Variants in DENND5B observed in about 807,000 individuals in gnomAD.
DENND5B encodes DENN domain-containing protein 5B.
A neutral mutation model predicts 140.6 loss-of-function variants in DENND5B; 34 were observed. That is an observed-to-expected ratio of 0.24 (90% CI 0.18 to 0.32). The LOEUF (loss-of-function observed/expected upper bound fraction) is 0.32. Ranked by LOEUF, DENND5B falls within the 10% of genes least tolerant of loss-of-function variation. DENND5B has a pLI of 1.00. For synonymous variants in DENND5B, 551 were observed against 562.1 expected, an observed-to-expected ratio of 0.98 and a Z score of 0.28; for missense variants, 1,142 against 1,560.2, an observed-to-expected ratio of 0.73 and a Z score of 4.52.
chr12:31,478,676 G>A (rs1945931816), intron 3 of DENND5B, among the ~76,000 whole-genome samples: 1 of 148,962 alleles, frequency 6.7e-6, no homozygotes, highest in African/African-American at 2.5e-5. Flanking sequence ...ACTCCAGCCT[G>A]GGTGACGGAG....
At position 31,582,956 on chromosome 12, in the gene DENND5B, A is replaced by G. The variant is rs1010683510; in HGVS notation, c.127+7750T>C. Among the ~76,000 whole-genome samples, 3 of 152,180 alleles carry G rather than the reference A, an allele frequency of 2.0e-5. No individual in the cohort carries two copies. The South Asian group carries it at 6.2e-4, about 32-fold the overall frequency. Reference sequence around the variant, plus strand: ...GGCTTCTTACTTATTATAGGAACTGAAGTAAAGTATTCATTCTCTAGACTC... The same window carrying G: ...GGCTTCTTACTTATTATAGGAACTGGAGTAAAGTATTCATTCTCTAGACTC... On this transcript the variant is annotated intron_variant, in intron 1 of 20. Coordinates refer to ENST00000389082, the MANE Select transcript of DENND5B (RefSeq NM_144973.4).
chr12:31,486,821 A>G (rs1946328420), intron 2 of DENND5B, among the ~76,000 whole-genome samples: 2 of 152,206 alleles, frequency 1.3e-5, no homozygotes, highest in African/African-American at 4.8e-5. Context: ...CATCTTTTGC[A>G]TGCCATAAAA....
intron 1 of DENND5B, among the ~76,000 whole-genome samples, chr12:31,511,629 T>C (rs1947421146): frequency 1.3e-5 from 2 of 152,000 alleles, no homozygotes; most frequent in Non-Finnish European, 2.9e-5. Context: ...GCTTACCATA[T>C]TACATTAACA....
At chr12:31,394,855 C>T (rs948895456) in intron 17 of DENND5B, among the ~76,000 whole-genome samples, 2 of 152,136 alleles carry the variant, frequency 1.3e-5, no homozygotes, top group East Asian at 1.9e-4. Flanking sequence ...CCTTGTGATC[C>T]GCCCGTCTTG....
At chr12:31,495,062 C>T (rs1946703919) in intron 2 of DENND5B, among the ~76,000 whole-genome samples, 1 of 152,066 alleles carries the variant, frequency 6.6e-6, no homozygotes, top group Non-Finnish European at 1.5e-5. Flanking sequence ...CTAAATAACG[C>T]AATTAAGTTG....
rs1680584163 is a variant in DENND5B, at chr12:31,385,611, A to G, written c.*1992T>C. On this transcript the variant is annotated 3_prime_UTR_variant, in exon 21 of 21. Coordinates refer to ENST00000389082, the MANE Select transcript of DENND5B (RefSeq NM_144973.4). ...CCCTGGAAGAGCTGTACCATTGTAG[A>G]CACACTTTAGCTTCAGGCAAACAAA... is the stretch of plus-strand genomic sequence containing the variant. 6.6e-6 allele frequency: 1 copy of G among 152,234 alleles called. No individual in the cohort carries two copies. Among genetic ancestry groups the G allele is most frequent in the Non-Finnish European group, 1.5e-5 (1 of 68,048 alleles). 9.4% of individuals were successfully genotyped at this position (152,234 alleles called of 1,614,324 possible). A position where few individuals can be genotyped will look rare whatever the true frequency, so the allele number is the denominator to read the frequency against.
At chr12:31,447,875 A>T in intron 5 of DENND5B, 106 bp from the exon 6 acceptor site, 1 of 813,232 alleles carries the variant, frequency 1.2e-6, no homozygotes, top group Non-Finnish European at 1.9e-6. Flanking sequence ...TTTAAATCTT[A>T]TAAAACTGAC....
intron 5 of DENND5B, among the ~76,000 whole-genome samples, chr12:31,448,980 G>A (rs181858948): frequency 3.9e-5 from 6 of 152,144 alleles, no homozygotes; most frequent in Non-Finnish European, 7.3e-5. Context: ...TCAGTACATC[G>A]TAATCAGTTC....
chr12:31,421,994 C>T (rs1282776169), intron 11 of DENND5B, among the ~76,000 whole-genome samples: 1 of 152,142 alleles, frequency 6.6e-6, no homozygotes, highest in Non-Finnish European at 1.5e-5. Context: ...AGCTCCAGGG[C>T]AATGTAGTCA....
chr12:31,442,718 G>A, intron 7 of DENND5B, 57 bp downstream of exon 7: 1 of 1,560,446 alleles, frequency 6.4e-7, no homozygotes, highest in Non-Finnish European at 8.7e-7. Context: ...GAGTTGCAGA[G>A]CACCCCACCC....
chr12:31,433,133 C>G, intron 8 of DENND5B, 22 bp downstream of exon 8: 1 of 1,609,636 alleles, frequency 6.2e-7, no homozygotes, highest in Non-Finnish European at 8.5e-7. Context: ...TGTGAGGCAC[C>G]CCAGGAAGGT....
At chr12:31,558,734 T>C (rs1233621197) in intron 1 of DENND5B, among the ~76,000 whole-genome samples, 1 of 152,246 alleles carries the variant, frequency 6.6e-6, no homozygotes, top group African/African-American at 2.4e-5. Context: ...ATTTCAGTAG[T>C]AGAACCCAAA....
chr12:31,561,676 A>C (rs1171136006), intron 1 of DENND5B, among the ~76,000 whole-genome samples: 2 of 152,226 alleles, frequency 1.3e-5, no homozygotes, highest in African/African-American at 4.8e-5. Context: ...ACAAATAGAA[A>C]ACATTGCCAT....
intron 1 of DENND5B, among the ~76,000 whole-genome samples, chr12:31,582,167 CTA>C (rs1331014372): frequency 1.3e-5 from 2 of 152,150 alleles, no homozygotes; most frequent in Non-Finnish European, 2.9e-5. Flanking sequence ...TCCTCTTGTT[CTA>C]TGACATTTAG....
intron 4 of DENND5B, among the ~76,000 whole-genome samples, chr12:31,459,737 A>C (rs1007774039): frequency 5.9e-5 from 9 of 152,244 alleles, no homozygotes; most frequent in African/African-American, 9.6e-5. Flanking sequence ...GAAAACAGAG[A>C]ATACTGAAGT....
intron 1 of DENND5B, among the ~76,000 whole-genome samples, chr12:31,530,445 A>G (rs942599801): frequency 1.3e-5 from 2 of 152,194 alleles, no homozygotes; most frequent in East Asian, 1.9e-4. Context: ...CACTGTATAC[A>G]ATATTTTGAA....
chr12:31,476,127 A>G (rs1033026826), intron 3 of DENND5B, among the ~76,000 whole-genome samples: 4 of 151,870 alleles, frequency 2.6e-5, no homozygotes, highest in African/African-American at 9.7e-5. Flanking sequence ...CTCCGTCTCA[A>G]TAAAAAAAAA....
At chr12:31,454,507 G>A (rs943054951) in intron 4 of DENND5B, among the ~76,000 whole-genome samples, 4 of 151,976 alleles carry the variant, frequency 2.6e-5, no homozygotes, top group Non-Finnish European at 5.9e-5. Flanking sequence ...GTAGTGGTGC[G>A]ATCTCAGCTC....
At chr12:31,391,210 G>A (rs771737617) in intron 19 of DENND5B, among the ~76,000 whole-genome samples, 36 of 152,234 alleles carry the variant, frequency 2.4e-4, no homozygotes, top group Non-Finnish European at 4.4e-4. Context: ...GTCACACTGG[G>A]CTTGGAGTTC....
Sources: allele counts gnomAD v4.1 joint callset (sites outside exome capture counted in the v4.1 genomes callset), GRCh38; gene constraint gnomAD v4.1.1; transcripts MANE v1.5; gene names NCBI Gene and HGNC (gene_info 2026-07-23, HGNC 2026-07-21).